The following KLF12 variants were observed in gnomAD, a reference collection of about 807,000 sequenced individuals.
KLF12 encodes Krueppel-like factor 12.
Under a neutral mutation model 37.8 loss-of-function variants are expected in KLF12, and 9 were observed. The ratio of observed to expected loss-of-function variants is 0.24; its 90% CI spans 0.14 to 0.42. KLF12 has a LOEUF of 0.42. Among genes scored for constraint, KLF12 ranks in the 10% least tolerant of loss-of-function variants. The probability of loss-of-function intolerance (pLI) is 1.00; values close to 1 mark genes in which losing one functional copy is unlikely to be tolerated. For missense variants in KLF12, 411 were observed against 516.0 expected (o/e 0.80, Z 1.97); for synonymous variants, 208 against 202.1 (o/e 1.03, Z -0.25).
intron 7 of KLF12, among the ~76,000 whole-genome samples, chr13:73,707,926 C>T (rs908239490): frequency 2.0e-5 from 3 of 152,084 alleles, no homozygotes; most frequent in Non-Finnish European, 4.4e-5. Flanking sequence ...CATTTAGGAT[C>T]GCTATGTGTG....
At chr13:73,696,382 T>G (rs898993909) in intron 7 of KLF12, among the ~76,000 whole-genome samples, 3 of 152,180 alleles carry the variant, frequency 2.0e-5, no homozygotes, top group African/African-American at 7.2e-5. Context: ...TGAAGAAGCA[T>G]GTAATTTGAC....
chr13:74,285,717 A>G, the KLF12 span, among the ~76,000 whole-genome samples: 3 of 152,232 alleles, frequency 2.0e-5, no homozygotes, highest in Admixed American at 6.5e-5. Context: ...TGATTACATG[A>G]CAACATCCCT....
the KLF12 span, among the ~76,000 whole-genome samples, chr13:74,260,829 A>G: frequency 6.6e-6 from 1 of 152,102 alleles, no homozygotes; most frequent in African/African-American, 2.4e-5. Context: ...ACATACAAAG[A>G]AAAACAAATT....
At chr13:74,130,411 A>G (rs1411304059) in intron 1 of KLF12, among the ~76,000 whole-genome samples, 2 of 152,210 alleles carry the variant, frequency 1.3e-5, no homozygotes, top group Admixed American at 6.5e-5. Flanking sequence ...GCTGATGCCT[A>G]TAATCCCAGC....
the KLF12 span, among the ~76,000 whole-genome samples, chr13:74,201,387 T>TC: frequency 6.6e-6 from 1 of 152,150 alleles, no homozygotes; most frequent in African/African-American, 2.4e-5. Context: ...TTCCTTTTCT[T>TC]CCCCTTCTTT....
rs560965819 is a variant in KLF12 at position 73,839,181 on chromosome 13, C to T, written c.670+6646G>A. Among the ~76,000 whole-genome samples the T allele has an allele frequency of 5.3e-5, 8 of 150,798 alleles. No homozygotes were observed. In the East Asian group the frequency reaches 1.6e-3, roughly 29 times the overall value. On this transcript the variant is annotated intron_variant, in intron 4 of 7. Transcript: ENST00000377669. ...GATCTCAGCTCACTGCAACCTCTAT[C>T]TCCTGGGCTCAAGTGATCCTCCCAT... is the stretch of plus-strand genomic sequence containing the variant.
chr13:73,827,086 TATG>T (rs1228039316), intron 4 of KLF12, among the ~76,000 whole-genome samples: 2 of 152,334 alleles, frequency 1.3e-5, no homozygotes, highest in Middle Eastern at 3.4e-3. Context: ...TGGCCAACAA[TATG>T]ATATTTCTAT....
At chr13:74,024,527 G>A (rs1892923247) in intron 1 of KLF12, among the ~76,000 whole-genome samples, 1 of 152,166 alleles carries the variant, frequency 6.6e-6, no homozygotes, top group Non-Finnish European at 1.5e-5. Flanking sequence ...TGCCGAGAGA[G>A]GGCAGGCATG....
intron 1 of KLF12, among the ~76,000 whole-genome samples, chr13:74,132,480 G>A (rs775101785): frequency 6.6e-6 from 1 of 152,132 alleles, no homozygotes; most frequent in Non-Finnish European, 1.5e-5. Flanking sequence ...ATATCAGAGT[G>A]CTCGCCGAGA....
the KLF12 span, among the ~76,000 whole-genome samples, chr13:74,170,172 C>G: frequency 6.6e-6 from 1 of 151,328 alleles, no homozygotes; most frequent in Non-Finnish European, 1.5e-5. Flanking sequence ...ATATGATCTG[C>G]GCAAGAAGAA....
intron 6 of KLF12, among the ~76,000 whole-genome samples, chr13:73,726,248 C>T (rs1260256658): frequency 6.6e-6 from 1 of 152,162 alleles, no homozygotes; most frequent in Non-Finnish European, 1.5e-5. Flanking sequence ...ACATCCCCAG[C>T]ACTTCTTAAT....
At chr13:74,152,100 C>T in the KLF12 span, among the ~76,000 whole-genome samples, 10 of 152,226 alleles carry the variant, frequency 6.6e-5, no homozygotes, top group South Asian at 1.7e-3. Flanking sequence ...ATGGTACAGT[C>T]CTTTAATGAA....
At chr13:74,185,205 C>G in the KLF12 span, among the ~76,000 whole-genome samples, 2 of 152,158 alleles carry the variant, frequency 1.3e-5, no homozygotes, top group Non-Finnish European at 2.9e-5. Context: ...AACTATAACA[C>G]AATAAATATT....
chr13:74,217,015 A>G, the KLF12 span, among the ~76,000 whole-genome samples: 1 of 152,208 alleles, frequency 6.6e-6, no homozygotes, highest in Non-Finnish European at 1.5e-5. Context: ...ACATCTAGCA[A>G]TTTCTTTTTT....
chr13:73,707,182 C>T (rs1476250041), intron 7 of KLF12, among the ~76,000 whole-genome samples: 1 of 152,158 alleles, frequency 6.6e-6, no homozygotes, highest in Non-Finnish European at 1.5e-5. Flanking sequence ...ACCAGAGTTT[C>T]AATCCTGGCT....
the KLF12 span, among the ~76,000 whole-genome samples, chr13:74,282,265 C>G: frequency 6.6e-6 from 1 of 152,206 alleles, no homozygotes; most frequent in Non-Finnish European, 1.5e-5. Flanking sequence ...TCAGAGCTCA[C>G]AGCTTAGCAG....
At chr13:74,220,732 G>A in the KLF12 span, among the ~76,000 whole-genome samples, 1 of 152,058 alleles carries the variant, frequency 6.6e-6, no homozygotes, top group African/African-American at 2.4e-5. Context: ...CTATGAAATC[G>A]ATTTTTTGCA....
intron 3 of KLF12, among the ~76,000 whole-genome samples, chr13:73,931,014 GTCTCGC>G (rs1343656372): frequency 6.6e-6 from 1 of 151,848 alleles, no homozygotes; most frequent in East Asian, 1.9e-4. Context: ...GTGCCACCAT[GTCTCGC>G]TAATTTTTTG....
chr13:73,738,296 C>A (rs1043717516), intron 6 of KLF12, among the ~76,000 whole-genome samples: 1 of 132,722 alleles, frequency 7.5e-6, no homozygotes, highest in African/African-American at 2.6e-5. Context: ...AGGTGCCCAC[C>A]ACCACGCCTG....
Sources: gnomAD v4.1 joint callset for allele counts (sites outside exome capture counted in the v4.1 genomes callset) on GRCh38, gnomAD v4.1.1 for gene constraint, MANE v1.5 for transcripts, NCBI Gene and HGNC (gene_info 2026-07-23, HGNC 2026-07-21) for gene names.